FGFBP3: variants seen among roughly 807,000 people sequenced by gnomAD.
The protein encoded by FGFBP3 is fibroblast growth factor-binding protein 3.
In FGFBP3, 4 loss-of-function variants were observed where a neutral mutation model predicts 4.8. The observed-to-expected ratio is 0.83, with a 90% CI of 0.41 to 1.90. The LOEUF (loss-of-function observed/expected upper bound fraction) is 1.90, where lower values mean the gene tolerates loss of function less well. FGFBP3 is among the 40% of genes most tolerant of loss of function. The pLI is 0.03. For synonymous variants in FGFBP3, 215 were observed against 190.0 expected (o/e 1.13, Z -1.08); for missense variants, 429 against 397.4 (o/e 1.08, Z -0.68).
rs777399935 is a variant in FGFBP3, at chr10:91,908,822, G to C, written c.148C>G (p.Arg50Gly). The C allele has an allele frequency of 4.6e-6, 7 of 1,527,676 alleles. No homozygotes were observed. The highest frequency in any genetic ancestry group is 8.7e-7 in the Non-Finnish European group (1 of 1,144,206). The allele number at this position is 1,527,676 out of a possible 1,614,324, so 94.6% of individuals were successfully genotyped here. The change falls in exon 2 of 2, where the codon CGC (arginine) becomes GGC (glycine). Residue 50 changes from arginine to glycine, a missense_variant. Coordinates refer to ENST00000311575, the MANE Select transcript of FGFBP3 (RefSeq NM_152429.5). ...GCGTGCTGCTCGGGGCTGAGGAAGC[G>C]ACCCGAGGAGCCGCCAGTGGGCCCG... is the stretch of plus-strand genomic sequence containing the variant. Reference protein sequence around the residue: ...VPGPTGGSSGRFLSPEQHACS... With the variant: ...VPGPTGGSSGGFLSPEQHACS...
chr10:91,908,461 G>A lies in FGFBP3; in HGVS notation c.509C>T (p.Ala170Val), dbSNP rs900792888. 1 of 1,449,976 alleles carries A rather than the reference G, an allele frequency of 6.9e-7. No individual in the cohort carries two copies. The highest frequency in any genetic ancestry group is 1.5e-5 in the South Asian group (1 of 68,196). 89.8% of individuals were successfully genotyped at this position (1,449,976 alleles called of 1,614,324 possible). A position where few individuals can be genotyped will look rare whatever the true frequency, so the allele number is the denominator to read the frequency against. ...AGFAGESKPR[A>V]RNRGRTRERA... ...CTCCCGGGTCCGCCCCCGGTTCCGG[G>A]CCCGGGGCTTGGACTCCCCCGCGAA... is the stretch of plus-strand genomic sequence containing the variant. Residue 170 changes from alanine (A) to valine (V), a missense_variant, in exon 2 of 2, where the codon GCC becomes GTC. Physicochemically the swap from Ala to Val is moderately conservative, Grantham distance 64. Coordinates refer to ENST00000311575, the MANE Select transcript of FGFBP3 (RefSeq NM_152429.5).
At position 91,908,311 on chromosome 10, in the gene FGFBP3, G is replaced by A. The variant is rs1346342107; in HGVS notation, c.659C>T (p.Pro220Leu). ...GTCGGGGTCGGGCCCGGTCCCCATG[G>A]GTCGCTCCTCGTTGGGGACCAAGGC... ...KAALVPNEERPMGTGPDPDGL... is the reference protein window; with the variant it reads ...KAALVPNEERLMGTGPDPDGL... The change falls in exon 2 of 2, where the codon CCC (proline) becomes CTC (leucine). Residue 220 changes from proline (P) to leucine (L), a missense_variant. Physicochemically the swap from Pro to Leu is moderately conservative, Grantham distance 98. Coordinates refer to ENST00000311575, the MANE Select transcript of FGFBP3 (RefSeq NM_152429.5). 3.1e-6 allele frequency: 5 copies of A among 1,599,818 alleles called. No homozygotes were observed. The highest frequency in any genetic ancestry group is 1.4e-5 in the African/African-American group (1 of 73,894).
intron 1 of FGFBP3, 116 bp from the exon 2 acceptor site, chr10:91,909,163 G>A (rs1297309520): frequency 1.7e-6 from 1 of 589,812 alleles, no homozygotes; most frequent in East Asian, 3.4e-5. Context: ...CCTGCGAGGA[G>A]ACCCTCTGAG....
In FGFBP3 at chr10:91,908,346, C is replaced by T; in HGVS notation, c.624G>A (p.Lys208=). 1 of 1,595,582 alleles carries T rather than the reference C, an allele frequency of 6.3e-7. No individual in the cohort carries two copies. The highest frequency in any genetic ancestry group is 1.1e-5 in the South Asian group (1 of 88,642). The change falls in exon 2 of 2, where the codon AAG becomes AAA. Residue 208 remains lysine, a synonymous_variant. Coordinates refer to ENST00000311575, the MANE Select transcript of FGFBP3 (RefSeq NM_152429.5). ...NPSERKTNEG[K]RKAALVPNEE... ...CGTTGGGGACCAAGGCCGCCTTCCTCTTGCCCTCGTTGGTCTTCCTCTCTG... is the reference window on the plus strand; with the variant it reads ...CGTTGGGGACCAAGGCCGCCTTCCTTTTGCCCTCGTTGGTCTTCCTCTCTG...
Position 91,908,626 on chromosome 10 carries a change from C to T in FGFBP3, c.344G>A (p.Gly115Glu). ...GGGCCTCCGCTTCTTGCGCAGCCCTCCCAGCACCTGCTTCCAGAAGTGCGC... is the reference window on the plus strand; with the variant it reads ...GGGCCTCCGCTTCTTGCGCAGCCCTTCCAGCACCTGCTTCCAGAAGTGCGC... ...RRAHFWKQVL[G>E]GLRKKRRPCH... is the part of the protein sequence containing the mutation. Residue 115 changes from glycine to glutamate, a missense_variant, in exon 2 of 2, where the codon GGA becomes GAA. By Grantham distance (98) the Gly-to-Glu change is moderately conservative. Transcript: ENST00000311575. The T allele has an allele frequency of 7.0e-7, 1 of 1,438,474 alleles. No individual in the cohort carries two copies. Among genetic ancestry groups the T allele is most frequent in the Non-Finnish European group, 9.1e-7 (1 of 1,100,316 alleles). The allele number at this position is 1,438,474 out of a possible 1,614,324, so 89.1% of individuals were successfully genotyped here. A position where few individuals can be genotyped will look rare whatever the true frequency, so the allele number is the denominator to read the frequency against.
Position 91,908,753 on chromosome 10 carries a change from C to A in FGFBP3, c.217G>T (p.Gly73Cys). ...LLLPAPEAAA[G>C]SELALRCQSP... The stretch of plus-strand genomic sequence containing the variant: ...TGGCAGCGCAGCGCCAGCTCGCTGC[C>A]CGCTGCGGCCTCCGGGGCGGGCAGC... Residue 73 changes from glycine (G) to cysteine (C), a missense_variant, in exon 2 of 2, where the codon GGC (glycine) becomes TGC (cysteine). Gly to Cys is a radical substitution (Grantham distance 159). Transcript: ENST00000311575. 1 of 1,389,004 alleles carries A rather than the reference C, an allele frequency of 7.2e-7. No homozygotes were observed. The highest frequency in any genetic ancestry group is 9.2e-7 in the Non-Finnish European group (1 of 1,083,478). The allele number at this position is 1,389,004 out of a possible 1,614,324, so 86.0% of individuals were successfully genotyped here.
In FGFBP3 at chr10:91,908,812, C is replaced by T; in HGVS notation, c.158G>A (p.Ser53Asn). The T allele has an allele frequency of 6.6e-7, 1 of 1,522,486 alleles. No individual in the cohort carries two copies. The highest frequency in any genetic ancestry group is 1.2e-5 in the South Asian group (1 of 82,414). The allele number at this position is 1,522,486 out of a possible 1,614,324, so 94.3% of individuals were successfully genotyped here. The change falls in exon 2 of 2, where the codon AGC becomes AAC. Residue 53 changes from serine to asparagine, a missense_variant. Coordinates refer to ENST00000311575, the MANE Select transcript of FGFBP3 (RefSeq NM_152429.5). ...PTGGSSGRFL[S>N]PEQHACSWQL... ...CCAGCTGCACGCGTGCTGCTCGGGGCTGAGGAAGCGACCCGAGGAGCCGCC... is the reference window on the plus strand; with the variant it reads ...CCAGCTGCACGCGTGCTGCTCGGGGTTGAGGAAGCGACCCGAGGAGCCGCC...
Position 91,907,876 on chromosome 10 carries a change from TCC to T in FGFBP3, c.*315_*316del, listed in dbSNP as rs1205196417. On this transcript the variant is annotated 3_prime_UTR_variant, in exon 2 of 2. Transcript: ENST00000311575. ...CTCTATCTCCCCCTTATTCTCAGCC[TCC>T]CTCTGCATCGATTTCTCTCCCCAGT... 4 of 304,362 alleles carry T rather than the reference TCC, an allele frequency of 1.3e-5. No individual in the cohort carries two copies. The highest frequency in any genetic ancestry group is 1.8e-5 in the Non-Finnish European group (3 of 166,652). 18.9% of individuals were successfully genotyped at this position (304,362 alleles called of 1,614,324 possible).
Position 91,908,105 on chromosome 10 carries a change from C to G in FGFBP3, c.*88G>C. ...GAGAACCTGGACTTCTCCCCAATCTCTATCACAGTACCCCCCGGTCTAAGA... is the reference window on the plus strand; with the variant it reads ...GAGAACCTGGACTTCTCCCCAATCTGTATCACAGTACCCCCCGGTCTAAGA... On this transcript the variant is annotated 3_prime_UTR_variant, in exon 2 of 2. Coordinates refer to ENST00000311575, the MANE Select transcript of FGFBP3 (RefSeq NM_152429.5). 1 of 1,461,402 alleles carries G rather than the reference C, an allele frequency of 6.8e-7. No homozygotes were observed. Among genetic ancestry groups the G allele is most frequent in the East Asian group, 2.6e-5 (1 of 38,272 alleles). 90.5% of individuals were successfully genotyped at this position (1,461,402 alleles called of 1,614,324 possible).
intron 1 of FGFBP3, 102 bp downstream of exon 1, chr10:91,909,296 C>A (rs1192183678): frequency 5.5e-6 from 2 of 361,220 alleles, no homozygotes; most frequent in African/African-American, 2.2e-5. Flanking sequence ...CCCCTCTACC[C>A]CTTCCTTCAT....
chr10:91,908,528 C>A lies in FGFBP3; in HGVS notation c.442G>T (p.Val148Leu). ...KKGHGAELRL[V>L]PRASPPARPT... ...CGTGCGGGCGGGGACGCGCGGGGCA[C>A]TAGCCGCAGCTCGGCGCCGTGGCCC... The change falls in exon 2 of 2, where the codon GTG (valine) becomes TTG (leucine). Residue 148 changes from valine to leucine, a missense_variant. Transcript: ENST00000311575. The A allele has an allele frequency of 7.3e-7, 1 of 1,376,572 alleles. No individual in the cohort carries two copies. Among genetic ancestry groups the A allele is most frequent in the South Asian group, 1.7e-5 (1 of 58,962 alleles). 85.3% of individuals were successfully genotyped at this position (1,376,572 alleles called of 1,614,324 possible). A position where few individuals can be genotyped will look rare whatever the true frequency, so the allele number is the denominator to read the frequency against.
rs910994046 is a variant in FGFBP3, at chr10:91,908,069, C to A, written c.*124G>T. On this transcript the variant is annotated 3_prime_UTR_variant, in exon 2 of 2. Transcript: ENST00000311575. ...AGCATCTCACCCTTACCCTTGCCCCCACCCCCATTCGAGAACCTGGACTTC... is the reference window on the plus strand; with the variant it reads ...AGCATCTCACCCTTACCCTTGCCCCAACCCCCATTCGAGAACCTGGACTTC... 6 of 1,121,628 alleles carry A rather than the reference C, an allele frequency of 5.3e-6. No individual in the cohort carries two copies. Among genetic ancestry groups the A allele is most frequent in the Non-Finnish European group, 7.4e-6 (6 of 813,736 alleles). The allele number at this position is 1,121,628 out of a possible 1,614,324, so 69.5% of individuals were successfully genotyped here.
In FGFBP3 at chr10:91,908,897, C is replaced by G. The variant is rs935565129; in HGVS notation, c.73G>C (p.Ala25Pro). Residue 25 changes from alanine to proline, a missense_variant, in exon 2 of 2, where the codon GCT becomes CCT. Ala to Pro is a conservative substitution (Grantham distance 27). Transcript: ENST00000311575. ...LLLLSGCLLA[A>P]ARREKGAASN... Reference sequence around the variant, plus strand: ...GCCGCCCCTTTCTCCCTCCGAGCAGCCGCGAGGAGGCAACCACTCAGCAGC... The same window carrying G: ...GCCGCCCCTTTCTCCCTCCGAGCAGGCGCGAGGAGGCAACCACTCAGCAGC... The G allele has an allele frequency of 1.9e-6, 3 of 1,598,330 alleles. No individual in the cohort carries two copies. Among genetic ancestry groups the G allele is most frequent in the Non-Finnish European group, 1.7e-6 (2 of 1,175,680 alleles).
In FGFBP3 at chr10:91,907,757, A is replaced by T; in HGVS notation, c.*436T>A. On this transcript the variant is annotated 3_prime_UTR_variant, in exon 2 of 2. Transcript: ENST00000311575. ...AGAAGACATTGATTCAACCTGGCTC[A>T]GGTTGGCAATTGCTCATGGCTGCAT... The T allele has an allele frequency of 6.2e-6, 1 of 161,950 alleles. No homozygotes were observed. The highest frequency in any genetic ancestry group is 1.3e-5 in the Non-Finnish European group (1 of 75,176). 10.0% of individuals were successfully genotyped at this position (161,950 alleles called of 1,614,324 possible).
Position 91,908,254 on chromosome 10 carries a change from G to T in FGFBP3, c.716C>A (p.Thr239Asn). The change falls in exon 2 of 2, where the codon ACC becomes AAC. Residue 239 changes from threonine (T) to asparagine (N), a missense_variant. Transcript: ENST00000311575. ...GGAGTGCCACTTCTCAGCGCAGTAG[G>T]TCTCCGTGAGCTCCGCGTTCCCGTC... Reference protein sequence around the residue: ...GLDGNAELTETYCAEKWHSLC... With the variant: ...GLDGNAELTENYCAEKWHSLC... 1.2e-6 allele frequency: 2 copies of T among 1,606,298 alleles called. No individual in the cohort carries two copies. The highest frequency in any genetic ancestry group is 1.7e-6 in the Non-Finnish European group (2 of 1,176,424).
Position 91,908,514 on chromosome 10 carries a change from G to T in FGFBP3, c.456C>A (p.Ser152=). Residue 152 remains serine, a synonymous_variant, in exon 2 of 2, where the codon TCC becomes TCA. Transcript: ENST00000311575. ...CCGCGACGGTGGGGCGTGCGGGCGG[G>T]GACGCGCGGGGCACTAGCCGCAGCT... ...GAELRLVPRA[S]PPARPTVAGF... The T allele has an allele frequency of 7.3e-6, 10 of 1,376,588 alleles. No homozygotes were observed. The highest frequency in any genetic ancestry group is 9.3e-6 in the Non-Finnish European group (10 of 1,072,586). The allele number at this position is 1,376,588 out of a possible 1,614,324, so 85.3% of individuals were successfully genotyped here. A position where few individuals can be genotyped will look rare whatever the true frequency, so the allele number is the denominator to read the frequency against.
At position 91,908,673 on chromosome 10, in the gene FGFBP3, G is replaced by A. The variant is rs759210551; in HGVS notation, c.297C>T (p.Cys99=). ...GCGCGCGGCGAGCGGCGTAGGCTGC[G>A]CAGCGCTCCGGATGCCCGCGGTAGG... ...QCAYRGHPER[C]AAYAARRAHF... Residue 99 remains cysteine (C), a synonymous_variant, in exon 2 of 2, where the codon TGC becomes TGT. Coordinates refer to ENST00000311575, the MANE Select transcript of FGFBP3 (RefSeq NM_152429.5). 9.4e-5 allele frequency: 135 copies of A among 1,428,804 alleles called. No homozygotes were observed. In the Middle Eastern group the frequency reaches 1.9e-3, roughly 20 times the overall value. 88.5% of individuals were successfully genotyped at this position (1,428,804 alleles called of 1,614,324 possible).
At position 91,907,850 on chromosome 10, in the gene FGFBP3, A is replaced by T; in HGVS notation, c.*343T>A. 3 of 222,396 alleles carry T rather than the reference A, an allele frequency of 1.3e-5. No individual in the cohort carries two copies. The highest frequency in any genetic ancestry group is 2.6e-5 in the Non-Finnish European group (3 of 114,902). 13.8% of individuals were successfully genotyped at this position (222,396 alleles called of 1,614,324 possible). On this transcript the variant is annotated 3_prime_UTR_variant, in exon 2 of 2. Coordinates refer to ENST00000311575, the MANE Select transcript of FGFBP3 (RefSeq NM_152429.5). ...ACATGGGACTCACATCACTTTAGTC[A>T]CTCTATCTCCCCCTTATTCTCAGCC...
Position 91,908,319 on chromosome 10 carries a change from C to G in FGFBP3, c.651G>C (p.Glu217Asp), listed in dbSNP as rs1843315156. The change falls in exon 2 of 2, where the codon GAG becomes GAC. Residue 217 changes from glutamate (E) to aspartate (D), a missense_variant. Coordinates refer to ENST00000311575, the MANE Select transcript of FGFBP3 (RefSeq NM_152429.5). ...CGGGCCCGGTCCCCATGGGTCGCTC[C>G]TCGTTGGGGACCAAGGCCGCCTTCC... ...GKRKAALVPNEERPMGTGPDP... is the reference protein window; with the variant it reads ...GKRKAALVPNDERPMGTGPDP... 6.3e-7 allele frequency: 1 copy of G among 1,598,808 alleles called. No homozygotes were observed. Among genetic ancestry groups the G allele is most frequent in the South Asian group, 1.1e-5 (1 of 88,992 alleles).
Sources: gnomAD v4.1 joint callset for allele counts on GRCh38, gnomAD v4.1.1 for gene constraint, MANE v1.5 for transcripts, NCBI Gene and HGNC (gene_info 2026-07-23, HGNC 2026-07-21) for gene names.